Variants in UNC80 observed in about 807,000 individuals in gnomAD.
UNC80 encodes protein unc-80 homolog.
In UNC80, 164 loss-of-function variants were observed where a neutral mutation model predicts 384.6. The observed-to-expected ratio is 0.43, with a 90% CI of 0.38 to 0.49. UNC80 has a LOEUF of 0.49. UNC80 is among the 20% of genes least tolerant of loss of function. The pLI is 0.00. For synonymous variants in UNC80, 1,486 were observed against 1,527.8 expected (o/e 0.97, Z 0.64); for missense variants, 3,330 against 4,143.0 (o/e 0.80, Z 5.39).
At chr2:209,935,663 ACAAATTTT>A (rs2124971767) in intron 39 of UNC80, 43 bp from the exon 40 acceptor site, 1 of 998,504 alleles carries the variant, frequency 1.0e-6, no homozygotes, top group Non-Finnish European at 1.4e-6. Flanking sequence ...GCTTTAAAAT[ACAAATTTT>A]CTATAGTAAA....
intron 28 of UNC80, among the ~76,000 whole-genome samples, chr2:209,902,592 A>G (rs1196438840): frequency 1.3e-5 from 2 of 152,172 alleles, no homozygotes; most frequent in Non-Finnish European, 1.5e-5. Context: ...TTCAGCAACC[A>G]CTTCTCTCTC....
chr2:209,871,738 T>C (rs2084312231), intron 22 of UNC80, among the ~76,000 whole-genome samples: 1 of 152,068 alleles, frequency 6.6e-6, no homozygotes, highest in Admixed American at 6.5e-5. Context: ...TTTTAAAAAA[T>C]CTTTCAAAGA....
chr2:209,836,558 T>A (rs905699772), intron 18 of UNC80, among the ~76,000 whole-genome samples: 5 of 152,258 alleles, frequency 3.3e-5, no homozygotes, highest in Non-Finnish European at 7.3e-5. Context: ...TCTTTCTTCT[T>A]ATGTGAAGAT....
intron 60 of UNC80, among the ~76,000 whole-genome samples, chr2:209,984,121 ACAAATCTCAGTT>A (rs2093226432): frequency 6.6e-6 from 1 of 152,222 alleles, no homozygotes; most frequent in Non-Finnish European, 1.5e-5. Context: ...GTTTCTGTTC[ACAAATCTCAGTT>A]CAGCTACATA....
intron 41 of UNC80, among the ~76,000 whole-genome samples, chr2:209,937,298 T>A (rs889038933): frequency 3.9e-5 from 6 of 152,226 alleles, no homozygotes; most frequent in African/African-American, 1.4e-4. Context: ...ATCTCTTTTC[T>A]ACCATGTTAA....
chr2:209,866,142 CTT>C (rs2083743271), intron 22 of UNC80, among the ~76,000 whole-genome samples: 1 of 152,128 alleles, frequency 6.6e-6, no homozygotes, highest in African/African-American at 2.4e-5. Flanking sequence ...AAATTCTCAA[CTT>C]ATCTTTTCAA....
At chr2:209,860,154 T>C (rs2083246028) in intron 22 of UNC80, among the ~76,000 whole-genome samples, 1 of 152,200 alleles carries the variant, frequency 6.6e-6, no homozygotes, top group Non-Finnish European at 1.5e-5. Context: ...AGGATTTTTA[T>C]GGTTTGGGGT....
chr2:209,829,104 GTTGCCTGTCAC>G (rs1227785156), intron 14 of UNC80, 117 bp from the exon 15 acceptor site: 72 of 1,063,418 alleles, frequency 6.8e-5, no homozygotes, highest in Non-Finnish European at 8.9e-5. Flanking sequence ...GGCTAGCAGG[GTTGCCTGTCAC>G]CAGCGAGTGG....
intron 22 of UNC80, among the ~76,000 whole-genome samples, chr2:209,850,208 A>C (rs1179275868): frequency 6.6e-6 from 1 of 152,134 alleles, no homozygotes; most frequent in Non-Finnish European, 1.5e-5. Flanking sequence ...TATGAAGTGG[A>C]TCTTGGTTAG....
At chr2:209,808,779 C>G in intron 7 of UNC80, 1 of 300,334 alleles carries the variant, frequency 3.3e-6, no homozygotes, top group Non-Finnish European at 6.4e-6. Context: ...CTGCGCTACT[C>G]AGCGACCTCG....
chr2:209,869,702 T>C (rs1259385130), intron 22 of UNC80, among the ~76,000 whole-genome samples: 3 of 152,130 alleles, frequency 2.0e-5, no homozygotes, highest in African/African-American at 7.2e-5. Flanking sequence ...CATGAATGGG[T>C]TTGGCTATTT....
Position 209,817,943 on chromosome 2 carries a change from G to T in UNC80, c.1684G>T (p.Val562Phe), listed in dbSNP as rs762348614. ...DPSNSHGENT[V>F]KEVRSQISTI... is the part of the protein sequence containing the mutation. Reference sequence around the variant, plus strand: ...CTCCAACAGCCATGGAGAAAACACCGTCAAGGAAGGTGGGTAGGAGGTGGG... The same window carrying T: ...CTCCAACAGCCATGGAGAAAACACCTTCAAGGAAGGTGGGTAGGAGGTGGG... Residue 562 changes from valine (V) to phenylalanine (F), a missense_variant, in exon 11 of 65, where the codon GTC (valine) becomes TTC (phenylalanine). By Grantham distance (50) the Val-to-Phe change is conservative. Transcript: ENST00000673920. The T allele has an allele frequency of 1.3e-6, 2 of 1,551,452 alleles. No individual in the cohort carries two copies. Among genetic ancestry groups the T allele is most frequent in the Non-Finnish European group, 1.7e-6 (2 of 1,146,922 alleles).
At chr2:209,806,261 C>A (rs2370835) in intron 7 of UNC80, among the ~76,000 whole-genome samples, 1 of 152,056 alleles carries the variant, frequency 6.6e-6, no homozygotes, top group African/African-American at 2.4e-5. Flanking sequence ...AATGATGTTT[C>A]TTTTCTCTGA....
chr2:209,964,464 A>G (rs1036161231), intron 51 of UNC80, among the ~76,000 whole-genome samples: 10 of 152,152 alleles, frequency 6.6e-5, no homozygotes, highest in Non-Finnish European at 1.2e-4. Context: ...AGCAAAATTC[A>G]GAGTGTTGCT....
At chr2:209,781,006 G>A (rs936637496) in intron 4 of UNC80, among the ~76,000 whole-genome samples, 4 of 152,146 alleles carry the variant, frequency 2.6e-5, no homozygotes, top group African/African-American at 9.7e-5. Context: ...AGTGTGCTGC[G>A]CTGCCCAGCT....
intron 56 of UNC80, 94 bp downstream of exon 56, chr2:209,973,364 A>G: frequency 8.5e-7 from 1 of 1,180,156 alleles, no homozygotes; most frequent in Non-Finnish European, 1.2e-6. Context: ...ATAAATAAAT[A>G]GATGTACTTA....
At chr2:209,938,411 T>G (rs555016740) in intron 42 of UNC80, among the ~76,000 whole-genome samples, 3 of 152,176 alleles carry the variant, frequency 2.0e-5, no homozygotes, top group Admixed American at 2.0e-4. Context: ...CTTCAAAATA[T>G]CCAAAAATAT....
chr2:209,867,094 C>G (rs942092301), intron 22 of UNC80, among the ~76,000 whole-genome samples: 1 of 152,152 alleles, frequency 6.6e-6, no homozygotes, highest in African/African-American at 2.4e-5. Flanking sequence ...GTAGCTCATT[C>G]CTTGGCACTT....
At chr2:209,792,664 A>G (rs1442543883) in intron 6 of UNC80, among the ~76,000 whole-genome samples, 1 of 152,170 alleles carries the variant, frequency 6.6e-6, no homozygotes, top group Admixed American at 6.5e-5. Flanking sequence ...AATACTTTTT[A>G]TATTGATTCT....
Sources: allele counts gnomAD v4.1 joint callset (sites outside exome capture counted in the v4.1 genomes callset), GRCh38; gene constraint gnomAD v4.1.1; transcripts MANE v1.5; gene names NCBI Gene and HGNC (gene_info 2026-07-23, HGNC 2026-07-21).